Variants in TENM4 observed in about 807,000 individuals in gnomAD.
The protein encoded by TENM4 is teneurin transmembrane protein 4, also known as teneurin-4.
Under a neutral mutation model 243.3 loss-of-function variants are expected in TENM4, and 82 were observed. The observed-to-expected ratio is 0.34, with a 90% CI of 0.28 to 0.40. The LOEUF is 0.40. Ranked by LOEUF, TENM4 falls within the 10% of genes least tolerant of loss-of-function variation. The pLI is 1.00. For synonymous variants in TENM4, 1,412 were observed against 1,456.3 expected, an observed-to-expected ratio of 0.97 and a Z score of 0.69; for missense variants, 3,138 against 3,673.3, an observed-to-expected ratio of 0.85 and a Z score of 3.77.
At chr11:79,098,746 T>C (rs116964152) in intron 4 of TENM4, among the ~76,000 whole-genome samples, 2,097 of 152,278 alleles carry the variant, frequency 0.014, 25 homozygotes, top group Middle Eastern at 0.027. Flanking sequence ...GTCTGGAAAA[T>C]GAGGCTAATG....
chr11:79,117,244 C>G (rs1591295111), intron 4 of TENM4, among the ~76,000 whole-genome samples: 1 of 152,324 alleles, frequency 6.6e-6, no homozygotes, highest in East Asian at 1.9e-4. Context: ...CATCAGCTCT[C>G]TTTACGTCAG....
In TENM4 at chr11:78,669,430, G is replaced by C. The variant is rs1352206651; in HGVS notation, c.6915C>G (p.Ser2305Arg). The C allele has an allele frequency of 6.2e-7, 1 of 1,612,906 alleles. No individual in the cohort carries two copies. Among genetic ancestry groups the C allele is most frequent in the East Asian group, 2.2e-5 (1 of 44,872 alleles). Residue 2305 changes from serine (S) to arginine (R), a missense_variant, in exon 32 of 34, where the codon AGC (serine) becomes AGG (arginine). Ser to Arg is a moderately radical substitution (Grantham distance 110). Around this residue, in one of 2 missense-constraint regions of TENM4, gnomAD observed 2,467 missense variants for 3,059.1 expected, o/e 0.81. Transcript: ENST00000278550. The surrounding 1 kb of genome is among the most constrained non-coding windows in gnomAD (Gnocchi z 6.4). The stretch of plus-strand genomic sequence containing the variant: ...AGAAGAACTGCAGGTGGTGGCTGTG[G>C]CTGCTCTTGCTGGACACGCGCCGCC... ...GLGRRVSSKSSHSHHLQFFYA... is the reference protein window; with the variant it reads ...GLGRRVSSKSRHSHHLQFFYA...
intron 6 of TENM4, among the ~76,000 whole-genome samples, chr11:79,006,092 C>G (rs2136726315): frequency 6.6e-6 from 1 of 152,288 alleles, no homozygotes; most frequent in East Asian, 1.9e-4. Flanking sequence ...AAAACATGGC[C>G]TACAGTAGCC....
intron 31 of TENM4, 105 bp downstream of exon 31, chr11:78,671,928 G>T: frequency 7.3e-7 from 1 of 1,378,910 alleles, no homozygotes; most frequent in East Asian, 2.5e-5. Flanking sequence ...TCCTTTTGGT[G>T]ACATGGGTCA....
At chr11:79,433,375 A>G (rs535579675) in intron 1 of TENM4, among the ~76,000 whole-genome samples, 4 of 152,264 alleles carry the variant, frequency 2.6e-5, no homozygotes, top group Non-Finnish European at 5.9e-5. Flanking sequence ...TTAACAAGAC[A>G]TGGAAACCAC....
chr11:78,819,351 C>T (rs1857676247), intron 12 of TENM4, among the ~76,000 whole-genome samples: 2 of 152,210 alleles, frequency 1.3e-5, no homozygotes, highest in South Asian at 4.1e-4. Flanking sequence ...GGAAAGTCTG[C>T]CCTCATTTGC....
At chr11:78,786,660 TAACCAGCTAACCAGGAC>T (rs1382887049) in intron 16 of TENM4, among the ~76,000 whole-genome samples, 1 of 152,226 alleles carries the variant, frequency 6.6e-6, no homozygotes, top group Non-Finnish European at 1.5e-5. Context: ...CAAGGTGTGC[TAACCAGCTAACCAGGAC>T]ATGGGAAATG....
At chr11:79,315,332 C>T (rs1856785789) in intron 1 of TENM4, among the ~76,000 whole-genome samples, 1 of 152,192 alleles carries the variant, frequency 6.6e-6, no homozygotes. Context: ...GTTCACCGCT[C>T]AAGACCAGAA....
At chr11:78,918,034 G>A (rs1856359330) in intron 6 of TENM4, among the ~76,000 whole-genome samples, 2 of 152,174 alleles carry the variant, frequency 1.3e-5, no homozygotes, top group Admixed American at 6.5e-5. Context: ...GGCTCGGGGA[G>A]AGAATGTGTT....
chr11:79,083,926 C>T (rs975534040), intron 4 of TENM4, among the ~76,000 whole-genome samples: 2 of 152,164 alleles, frequency 1.3e-5, no homozygotes, highest in Non-Finnish European at 1.5e-5. Context: ...TTGCAAACCA[C>T]ATACTAACAA....
chr11:78,899,559 C>CCGGG lies in TENM4; in HGVS notation c.749+3708_749+3709insCCCG, dbSNP rs375147197. Among the ~76,000 whole-genome samples, 57 of 29,600 alleles carry CCGGG rather than the reference C, an allele frequency of 1.9e-3. 1 individual carries two copies. The highest frequency in any genetic ancestry group is 2.2e-3 in the African/African-American group (31 of 13,912). The allele number at this position is 29,600 out of a possible 152,430, so 19.4% of individuals were successfully genotyped here. The stretch of plus-strand genomic sequence containing the variant: ...TGCCACTGCACTCTGTCTCAAAAAG[C>CCGGG]GGGGGGGGGGGGAAAAAGAAAAAAG... On this transcript the variant is annotated intron_variant, in intron 7 of 33. Coordinates refer to ENST00000278550, the MANE Select transcript of TENM4 (RefSeq NM_001098816.3).
chr11:78,667,148 G>C (rs1351268834), intron 32 of TENM4, among the ~76,000 whole-genome samples: 1 of 152,156 alleles, frequency 6.6e-6, no homozygotes, highest in Non-Finnish European at 1.5e-5. Flanking sequence ...TGAAGGCTGT[G>C]AAACATTGTT....
At chr11:79,354,887 T>A (rs1035711947) in intron 1 of TENM4, among the ~76,000 whole-genome samples, 7 of 152,240 alleles carry the variant, frequency 4.6e-5, no homozygotes, top group African/African-American at 9.6e-5. Flanking sequence ...ATATTCTATG[T>A]GTGCAGTGTG....
chr11:78,993,015 C>G (rs994330162), intron 6 of TENM4, among the ~76,000 whole-genome samples: 1 of 152,150 alleles, frequency 6.6e-6, no homozygotes, highest in African/African-American at 2.4e-5. Flanking sequence ...TAATAACCAA[C>G]CTGTGCTATT....
At chr11:78,713,489 C>T (rs1326808034) in intron 25 of TENM4, among the ~76,000 whole-genome samples, 1 of 152,208 alleles carries the variant, frequency 6.6e-6, no homozygotes, top group Non-Finnish European at 1.5e-5. Flanking sequence ...CAAAGCACTG[C>T]CTCTAGCCAC....
chr11:78,912,411 T>G (rs1856209448), intron 6 of TENM4, among the ~76,000 whole-genome samples: 1 of 152,158 alleles, frequency 6.6e-6, no homozygotes, highest in African/African-American at 2.4e-5. Flanking sequence ...CACGCCACCA[T>G]GCCTGGCTAA....
chr11:79,354,300 C>T (rs185717739), intron 1 of TENM4, among the ~76,000 whole-genome samples: 1 of 152,288 alleles, frequency 6.6e-6, no homozygotes, highest in Non-Finnish European at 1.5e-5. Flanking sequence ...GAACCCTACC[C>T]AGTGTCCTGA....
chr11:79,074,348 G>A (rs779424977), intron 4 of TENM4, among the ~76,000 whole-genome samples: 21 of 151,610 alleles, frequency 1.4e-4, no homozygotes, highest in Non-Finnish European at 2.8e-4. Flanking sequence ...GGAGCCCCCC[G>A]GCAGAAGGAC....
intron 6 of TENM4, among the ~76,000 whole-genome samples, chr11:78,917,832 A>G (rs1470060767): frequency 3.3e-5 from 5 of 152,092 alleles, no homozygotes; most frequent in Admixed American, 6.5e-5. Context: ...TGGCTCTACT[A>G]TTTCCTAGCT....
Sources: allele counts gnomAD v4.1 joint callset (sites outside exome capture counted in the v4.1 genomes callset), GRCh38; gene constraint gnomAD v4.1.1; regional missense constraint gnomAD v4.1.1; non-coding constraint Gnocchi (gnomAD v3.1); transcripts MANE v1.5; gene names NCBI Gene and HGNC (gene_info 2026-07-23, HGNC 2026-07-21).